KCNB2: variants seen among roughly 807,000 people sequenced by gnomAD.
KCNB2 encodes the protein potassium voltage-gated channel subfamily B member 2.
KCNB2 carries 15 observed loss-of-function variants against 61.5 expected under a neutral mutation model. That is an observed-to-expected ratio of 0.24 (90% CI 0.16 to 0.38). The LOEUF is 0.38. KCNB2 is among the 10% of genes least tolerant of loss of function. KCNB2 has a pLI of 1.00. For synonymous variants in KCNB2, 457 were observed against 446.0 expected (o/e 1.02, Z -0.31); for missense variants, 828 against 1,125.2 (o/e 0.74, Z 3.78).
At chr8:72,777,292 A>G (rs1295994223) in intron 2 of KCNB2, among the ~76,000 whole-genome samples, 1 of 152,214 alleles carries the variant, frequency 6.6e-6, no homozygotes, top group Non-Finnish European at 1.5e-5. Flanking sequence ...AAGACATTTC[A>G]TGAACCAGTA....
intron 2 of KCNB2, among the ~76,000 whole-genome samples, chr8:72,656,199 C>T (rs776602228): frequency 6.6e-6 from 1 of 152,136 alleles, no homozygotes; most frequent in Non-Finnish European, 1.5e-5. Context: ...ATTGACATCT[C>T]CCTTCATTTT....
chr8:72,725,211 G>C (rs1253450613), intron 2 of KCNB2, among the ~76,000 whole-genome samples: 10 of 151,916 alleles, frequency 6.6e-5, no homozygotes, highest in African/African-American at 2.4e-4. Flanking sequence ...TATCTTGATT[G>C]TACCTCAAAC....
chr8:72,541,711 G>T (rs349356), intron 1 of KCNB2, among the ~76,000 whole-genome samples: 111,199 of 151,930 alleles, frequency 0.73, 41,145 homozygotes, highest in African/African-American at 0.8. Context: ...ATTTTTATAA[G>T]GTAGGTGGGA....
At chr8:72,659,937 C>T (rs1407049794) in intron 2 of KCNB2, among the ~76,000 whole-genome samples, 1 of 152,156 alleles carries the variant, frequency 6.6e-6, no homozygotes, top group Non-Finnish European at 1.5e-5. Context: ...TTTACTTTAT[C>T]GTGGTGATCT....
At chr8:72,778,507 G>A (rs1808695954) in intron 2 of KCNB2, among the ~76,000 whole-genome samples, 1 of 151,696 alleles carries the variant, frequency 6.6e-6, no homozygotes, top group Admixed American at 6.6e-5. Flanking sequence ...GGAGGTTCAA[G>A]CAGGCAGATT....
chr8:72,832,145 G>A (rs1809709149), intron 2 of KCNB2, among the ~76,000 whole-genome samples: 1 of 152,232 alleles, frequency 6.6e-6, no homozygotes, highest in East Asian at 1.9e-4. Context: ...TGCTGTAGGA[G>A]TGAAGGATAT....
At chr8:72,569,788 T>C (rs1463070101) in intron 2 of KCNB2, among the ~76,000 whole-genome samples, 1 of 152,140 alleles carries the variant, frequency 6.6e-6, no homozygotes. Context: ...GTGAGTATTG[T>C]GGGTGTTAAA....
At chr8:72,705,397 T>C (rs767037542) in intron 2 of KCNB2, among the ~76,000 whole-genome samples, 3 of 152,216 alleles carry the variant, frequency 2.0e-5, no homozygotes, top group Non-Finnish European at 2.9e-5. Flanking sequence ...TTCCCTCCCA[T>C]ACATGGTCCA....
Position 72,889,099 on chromosome 8 carries a change from C to A in KCNB2, c.580-46836C>A, listed in dbSNP as rs73315089. On this transcript the variant is annotated intron_variant, in intron 2 of 2. Coordinates refer to ENST00000523207, the MANE Select transcript of KCNB2 (RefSeq NM_004770.3). Reference sequence around the variant, plus strand: ...AAGGACTTTCCCAACATGTGACAAGCATTACCCCATGCTTCTTAGGGGAGA... The same window carrying A: ...AAGGACTTTCCCAACATGTGACAAGAATTACCCCATGCTTCTTAGGGGAGA... Among the ~76,000 whole-genome samples, 549 of 152,272 alleles carry A rather than the reference C, an allele frequency of 3.6e-3. 2 individuals are homozygous for A. Among genetic ancestry groups the A allele is most frequent in the African/African-American group, 0.013 (525 of 41,552 alleles).
chr8:72,548,407 C>T (rs1806294193), intron 1 of KCNB2, among the ~76,000 whole-genome samples: 1 of 152,230 alleles, frequency 6.6e-6, no homozygotes, highest in African/African-American at 2.4e-5. Context: ...TAAAGGCCCC[C>T]TGTCCTGGCA....
At chr8:72,896,248 A>G (rs1563416475) in intron 2 of KCNB2, among the ~76,000 whole-genome samples, 1 of 152,170 alleles carries the variant, frequency 6.6e-6, no homozygotes, top group African/African-American at 2.4e-5. Context: ...TATCTGTTAT[A>G]TAAGTTAGAG....
At chr8:72,728,525 C>T (rs936648021) in intron 2 of KCNB2, among the ~76,000 whole-genome samples, 1 of 152,078 alleles carries the variant, frequency 6.6e-6, no homozygotes, top group Non-Finnish European at 1.5e-5. Context: ...TTTCAAGCAC[C>T]ATACTCTTCT....
intron 2 of KCNB2, among the ~76,000 whole-genome samples, chr8:72,853,075 A>T (rs560340346): frequency 6.6e-6 from 1 of 152,324 alleles, no homozygotes; most frequent in East Asian, 1.9e-4. Context: ...TTTGACTCCA[A>T]AGCATAGTTG....
chr8:72,820,750 A>G (rs986033990), intron 2 of KCNB2, among the ~76,000 whole-genome samples: 4 of 152,136 alleles, frequency 2.6e-5, no homozygotes, highest in Non-Finnish European at 5.9e-5. Context: ...TATCCTCTCT[A>G]AATTTCTTAT....
chr8:72,648,429 T>C (rs1341250698), intron 2 of KCNB2, among the ~76,000 whole-genome samples: 1 of 152,136 alleles, frequency 6.6e-6, no homozygotes, highest in Non-Finnish European at 1.5e-5. Flanking sequence ...TCACCACCCA[T>C]GCCAAGCTAA....
intron 2 of KCNB2, among the ~76,000 whole-genome samples, chr8:72,715,984 C>A (rs1297078436): frequency 3.9e-5 from 6 of 152,136 alleles, no homozygotes; most frequent in Non-Finnish European, 2.9e-5. Context: ...GGGGATATCA[C>A]CACCGATCCC....
At chr8:72,555,612 T>C (rs1806414126) in intron 1 of KCNB2, among the ~76,000 whole-genome samples, 1 of 151,206 alleles carries the variant, frequency 6.6e-6, no homozygotes, top group Admixed American at 6.6e-5. Context: ...AAAAAAAAAA[T>C]GAAAAAAACC....
intron 2 of KCNB2, among the ~76,000 whole-genome samples, chr8:72,609,491 A>G (rs2128983191): frequency 6.6e-6 from 1 of 152,366 alleles, no homozygotes; most frequent in Non-Finnish European, 1.5e-5. Flanking sequence ...CGTAATAGAT[A>G]TCTGCACTAG....
At chr8:72,582,218 C>G (rs1301854616) in intron 2 of KCNB2, among the ~76,000 whole-genome samples, 1 of 152,144 alleles carries the variant, frequency 6.6e-6, no homozygotes, top group Non-Finnish European at 1.5e-5. Flanking sequence ...GGAAAGCTGC[C>G]CAGGGCAGAT....
Sources: allele counts gnomAD v4.1 joint callset (sites outside exome capture counted in the v4.1 genomes callset), GRCh38; gene constraint gnomAD v4.1.1; transcripts MANE v1.5; gene names NCBI Gene and HGNC (gene_info 2026-07-23, HGNC 2026-07-21).